Variants in ARHGAP15 observed in about 807,000 individuals in gnomAD.
ARHGAP15 encodes Rho GTPase activating protein 15.
In ARHGAP15, 51 loss-of-function variants were observed where a neutral mutation model predicts 63.7. The ratio of observed to expected loss-of-function variants is 0.80; its 90% CI spans 0.64 to 1.01. The LOEUF is 1.01. Ranked by LOEUF, ARHGAP15 falls within the 50% of genes least tolerant of loss-of-function variation. ARHGAP15 has a pLI of 0.00. For missense variants in ARHGAP15, 560 were observed against 564.6 expected (o/e 0.99, Z 0.08); for synonymous variants, 191 against 193.8 (o/e 0.99, Z 0.12).
At chr2:143,446,378 G>T (rs1210693908) in intron 8 of ARHGAP15, among the ~76,000 whole-genome samples, 2 of 151,832 alleles carry the variant, frequency 1.3e-5, no homozygotes, top group Non-Finnish European at 2.9e-5. Flanking sequence ...TAGCAAGAAT[G>T]TACTTTTGCA....
chr2:143,746,941 C>A (rs1421962580), intron 13 of ARHGAP15, among the ~76,000 whole-genome samples: 1 of 152,138 alleles, frequency 6.6e-6, no homozygotes, highest in African/African-American at 2.4e-5. Context: ...CATAAGGATA[C>A]ATGAGCAGGT....
intron 6 of ARHGAP15, among the ~76,000 whole-genome samples, chr2:143,341,077 A>ACAT (rs1685036891): frequency 6.6e-6 from 1 of 152,018 alleles, no homozygotes; most frequent in Admixed American, 6.6e-5. Flanking sequence ...CATGCAGAGA[A>ACAT]GTCCCTTCCT....
At chr2:143,672,785 C>A (rs749666210) in intron 12 of ARHGAP15, among the ~76,000 whole-genome samples, 82 of 152,094 alleles carry the variant, frequency 5.4e-4, no homozygotes, top group Non-Finnish European at 8.7e-4. Flanking sequence ...TGGTAAAGCA[C>A]ATAATTTAGA....
chr2:143,474,355 A>G (rs1558996097), intron 8 of ARHGAP15, among the ~76,000 whole-genome samples: 1 of 152,230 alleles, frequency 6.6e-6, no homozygotes, highest in Non-Finnish European at 1.5e-5. Context: ...ATAATTATGC[A>G]TACAAATTTA....
intron 10 of ARHGAP15, among the ~76,000 whole-genome samples, chr2:143,542,716 T>TATATAATATCACATATATAATATATATG (rs1695138177): frequency 7.8e-6 from 1 of 128,472 alleles, no homozygotes; most frequent in African/African-American, 2.9e-5. Context: ...ATATATGATA[T>TATATAATATCACATATATAATATATATG]ATATAATATC....
chr2:143,581,427 C>A (rs961782483), intron 11 of ARHGAP15, among the ~76,000 whole-genome samples: 7 of 152,064 alleles, frequency 4.6e-5, no homozygotes, highest in African/African-American at 1.4e-4. Flanking sequence ...ATCTCTTATT[C>A]ATCCTTCAAA....
chr2:143,173,135 A>C (rs1690865208), intron 2 of ARHGAP15, among the ~76,000 whole-genome samples: 1 of 152,112 alleles, frequency 6.6e-6, no homozygotes, highest in Admixed American at 6.6e-5. Flanking sequence ...TGAAGACAAA[A>C]ATACTTCAAA....
chr2:143,692,754 T>C (rs1007295466), intron 12 of ARHGAP15, among the ~76,000 whole-genome samples: 5 of 152,162 alleles, frequency 3.3e-5, no homozygotes, highest in African/African-American at 1.2e-4. Context: ...AATGACCTCC[T>C]CCCCTTGGCC....
chr2:143,698,985 T>C (rs1395902796), intron 12 of ARHGAP15, among the ~76,000 whole-genome samples: 1 of 152,130 alleles, frequency 6.6e-6, no homozygotes, highest in African/African-American at 2.4e-5. Context: ...TAATAGAAAA[T>C]GCTGTCTTTC....
intron 11 of ARHGAP15, among the ~76,000 whole-genome samples, chr2:143,558,402 C>T (rs1268644309): frequency 6.6e-6 from 1 of 152,076 alleles, no homozygotes; most frequent in Non-Finnish European, 1.5e-5. Context: ...CTCTGTTCCC[C>T]TTACTCTGAG....
intron 6 of ARHGAP15, chr2:143,305,374 A>T (rs1252437651): frequency 6.6e-6 from 1 of 152,036 alleles, no homozygotes; most frequent in Non-Finnish European, 1.5e-5. Context: ...CCTAATGTAG[A>T]TGACGAGTTG....
intron 12 of ARHGAP15, among the ~76,000 whole-genome samples, chr2:143,667,767 A>T (rs1010332418): frequency 6.6e-6 from 1 of 152,008 alleles, no homozygotes; most frequent in African/African-American, 2.4e-5. Flanking sequence ...GCCAAGGTGG[A>T]TTGCTTGAGC....
chr2:143,213,914 T>G (rs931613281), intron 3 of ARHGAP15, among the ~76,000 whole-genome samples: 1 of 152,222 alleles, frequency 6.6e-6, no homozygotes, highest in African/African-American at 2.4e-5. Context: ...GCCCTTGGCA[T>G]CAATCTCAAG....
At chr2:143,717,864 T>C (rs1211543024) in intron 13 of ARHGAP15, among the ~76,000 whole-genome samples, 2 of 151,908 alleles carry the variant, frequency 1.3e-5, no homozygotes, top group Admixed American at 6.6e-5. Flanking sequence ...TTTTTTTTTT[T>C]TTTACCTGTT....
intron 3 of ARHGAP15, among the ~76,000 whole-genome samples, chr2:143,211,178 G>A (rs2105133060): frequency 6.6e-6 from 1 of 152,160 alleles, no homozygotes; most frequent in South Asian, 2.1e-4. Flanking sequence ...AGCAGAGACA[G>A]TATGGGAATA....
At chr2:143,392,066 C>G (rs1687560111) in intron 6 of ARHGAP15, among the ~76,000 whole-genome samples, 1 of 152,114 alleles carries the variant, frequency 6.6e-6, no homozygotes, top group Admixed American at 6.5e-5. Flanking sequence ...AATTAGGTAA[C>G]AGGGACCCAC....
Position 143,329,173 on chromosome 2 carries a change from C to T in ARHGAP15, c.474+78573C>T, listed in dbSNP as rs569056218. On this transcript the variant is annotated intron_variant, in intron 6 of 13. Transcript: ENST00000295095. Reference sequence around the variant, plus strand: ...TGATCTCTGTTCCCTGGTCTTATGTCTGTGACTAGGTTACATTATACGGCA... The same window carrying T: ...TGATCTCTGTTCCCTGGTCTTATGTTTGTGACTAGGTTACATTATACGGCA... Among the ~76,000 whole-genome samples, 3 of 152,272 alleles carry T rather than the reference C, an allele frequency of 2.0e-5. No individual in the cohort carries two copies. In the South Asian group the frequency reaches 6.2e-4, roughly 32 times the overall value.
chr2:143,135,590 AG>A, intron 1 of ARHGAP15, among the ~76,000 whole-genome samples: 1 of 152,204 alleles, frequency 6.6e-6, no homozygotes, highest in Non-Finnish European at 1.5e-5. Context: ...AGAATCCCAA[AG>A]GTCTTCATTT....
intron 12 of ARHGAP15, among the ~76,000 whole-genome samples, chr2:143,697,543 G>A (rs1683905302): frequency 6.6e-6 from 1 of 152,158 alleles, no homozygotes; most frequent in African/African-American, 2.4e-5. Flanking sequence ...GTCTTTTCCA[G>A]ATTCCTGAGA....
Sources: gnomAD v4.1 joint callset for allele counts (sites outside exome capture counted in the v4.1 genomes callset) on GRCh38, gnomAD v4.1.1 for gene constraint, MANE v1.5 for transcripts, NCBI Gene and HGNC (gene_info 2026-07-23, HGNC 2026-07-21) for gene names.